The following BNC2 variants were observed in gnomAD, a reference collection of about 807,000 sequenced individuals.
The protein encoded by BNC2 is basonuclin zinc finger protein 2, also known as zinc finger protein basonuclin-2.
In BNC2, 20 loss-of-function variants were observed where a neutral mutation model predicts 76.3. That is an observed-to-expected ratio of 0.26 (90% CI 0.18 to 0.38). BNC2 has a LOEUF of 0.38. Among genes scored for constraint, BNC2 ranks in the 10% least tolerant of loss-of-function variants. BNC2 has a pLI of 1.00. For missense variants in BNC2, 1,382 were observed against 1,399.8 expected (o/e 0.99, Z 0.20); for synonymous variants, 582 against 514.8 (o/e 1.13, Z -1.77).
chr9:16,501,167 A>C (rs978007662), intron 5 of BNC2, among the ~76,000 whole-genome samples: 18 of 152,348 alleles, frequency 1.2e-4, no homozygotes, highest in Admixed American at 6.5e-4. Flanking sequence ...AACGCACTTA[A>C]AATTATATAT....
At chr9:16,624,728 G>C (rs1220730571) in intron 3 of BNC2, among the ~76,000 whole-genome samples, 1 of 152,114 alleles carries the variant, frequency 6.6e-6, no homozygotes, top group Non-Finnish European at 1.5e-5. Context: ...GATCCAAATG[G>C]AAGTCATGTT....
chr9:16,787,475 G>C (rs1294243029), intron 1 of BNC2, among the ~76,000 whole-genome samples: 1 of 152,196 alleles, frequency 6.6e-6, no homozygotes, highest in African/African-American at 2.4e-5. Context: ...CTGTCACTGG[G>C]CAAGTTACTT....
At chr9:16,755,347 C>T (rs1033895467) in intron 1 of BNC2, among the ~76,000 whole-genome samples, 14 of 151,918 alleles carry the variant, frequency 9.2e-5, no homozygotes, top group African/African-American at 1.7e-4. Flanking sequence ...GGGGGGACAC[C>T]ACCTCAGAAC....
chr9:16,467,804 C>G (rs1459201220), intron 5 of BNC2, among the ~76,000 whole-genome samples: 1 of 138,782 alleles, frequency 7.2e-6, no homozygotes, highest in Non-Finnish European at 1.5e-5. Flanking sequence ...GCACAATGTG[C>G]ACATGTACCC....
chr9:16,819,635 T>A (rs1253793200), intron 1 of BNC2, among the ~76,000 whole-genome samples: 1 of 151,088 alleles, frequency 6.6e-6, no homozygotes, highest in Non-Finnish European at 1.5e-5. Flanking sequence ...CCAGACTGGG[T>A]GACAGAGCAA....
chr9:16,492,721 A>AT (rs59536317), intron 5 of BNC2, among the ~76,000 whole-genome samples: 5,126 of 140,066 alleles, frequency 0.037, 225 homozygotes, highest in African/African-American at 0.11. Flanking sequence ...AGGCCTGCCC[A>AT]TTTTTTTTTT....
chr9:16,562,916 A>G (rs913299889), intron 4 of BNC2, among the ~76,000 whole-genome samples: 3 of 152,210 alleles, frequency 2.0e-5, no homozygotes, highest in African/African-American at 7.2e-5. Flanking sequence ...TTATAAGCTG[A>G]ATAAATAAAT....
intron 1 of BNC2, among the ~76,000 whole-genome samples, chr9:16,821,477 G>C (rs996461001): frequency 1.3e-5 from 2 of 152,012 alleles, no homozygotes; most frequent in Admixed American, 1.3e-4. Flanking sequence ...GAAGCTATTG[G>C]CTTCTTGAAT....
Position 16,667,080 on chromosome 9 carries a change from T to TACACACAC in BNC2, c.330+60709_330+60716dup, listed in dbSNP as rs139744564. 1.5e-4 allele frequency among the ~76,000 whole-genome samples: 22 copies of TACACACAC among 142,490 alleles called. No homozygotes were observed. In the East Asian group the frequency reaches 2.9e-3, roughly 19 times the overall value. The allele number at this position is 142,490 out of a possible 152,430, so 93.5% of individuals were successfully genotyped here. A position where few individuals can be genotyped will look rare whatever the true frequency, so the allele number is the denominator to read the frequency against. On this transcript the variant is annotated intron_variant, in intron 3 of 6. Transcript: ENST00000380672. ...AAAGCACACATCACTCAGATACACA[T>TACACACAC]ACACACACACACACACACACACACA...
rs564294084 is a variant in BNC2 at position 16,761,867 on chromosome 9, T to A, written c.4-23382A>T. 4.6e-5 allele frequency among the ~76,000 whole-genome samples: 7 copies of A among 152,244 alleles called. No individual in the cohort carries two copies. The South Asian group carries it at 1.5e-3, about 32-fold the overall frequency. On this transcript the variant is annotated intron_variant, in intron 1 of 6. Transcript: ENST00000380672. ...AATTAGTGCTCTGTAGCTGATGAAA[T>A]TGAAAATGCTACCAAGTTACATGTA...
intron 5 of BNC2, among the ~76,000 whole-genome samples, chr9:16,515,779 T>C (rs1822863653): frequency 6.7e-6 from 1 of 149,080 alleles, no homozygotes; most frequent in African/African-American, 2.5e-5. Context: ...CATTCTCAAA[T>C]CATAACCATA....
At chr9:16,593,108 A>T (rs1048549757) in intron 3 of BNC2, among the ~76,000 whole-genome samples, 1 of 152,076 alleles carries the variant, frequency 6.6e-6, no homozygotes, top group African/African-American at 2.4e-5. Context: ...AAAATTGACA[A>T]TGCTGAATTC....
chr9:16,763,749 C>CT (rs1160568875), intron 1 of BNC2, among the ~76,000 whole-genome samples: 1 of 152,136 alleles, frequency 6.6e-6, no homozygotes, highest in East Asian at 1.9e-4. Context: ...ATGATAAAAT[C>CT]TAACCTTCCT....
intron 3 of BNC2, among the ~76,000 whole-genome samples, chr9:16,598,547 A>G (rs1820156532): frequency 6.6e-6 from 1 of 152,220 alleles, no homozygotes; most frequent in Non-Finnish European, 1.5e-5. Flanking sequence ...TGGCAGAATG[A>G]ACTCACCACT....
chr9:16,569,923 T>A (rs569446696), intron 4 of BNC2, among the ~76,000 whole-genome samples: 2 of 152,212 alleles, frequency 1.3e-5, no homozygotes, highest in Non-Finnish European at 2.9e-5. Context: ...ATCCAGTTTA[T>A]GTACCAATGG....
chr9:16,853,070 G>A (rs1044604817), intron 1 of BNC2, among the ~76,000 whole-genome samples: 1 of 152,206 alleles, frequency 6.6e-6, no homozygotes, highest in African/African-American at 2.4e-5. Context: ...AGTCTTCTAG[G>A]AGTAGTGGGA....
chr9:16,834,890 T>C (rs923274147), intron 1 of BNC2, among the ~76,000 whole-genome samples: 1 of 152,186 alleles, frequency 6.6e-6, no homozygotes, highest in Non-Finnish European at 1.5e-5. Flanking sequence ...TTAATAATTC[T>C]ACAAAGGGTA....
chr9:16,517,782 G>C (rs1016294850), intron 5 of BNC2, among the ~76,000 whole-genome samples: 7 of 152,084 alleles, frequency 4.6e-5, no homozygotes, highest in African/African-American at 1.7e-4. Context: ...GTAAATTGTA[G>C]GTTCCATGTA....
intron 1 of BNC2, among the ~76,000 whole-genome samples, chr9:16,779,380 G>C (rs1402418481): frequency 1.9e-4 from 28 of 151,160 alleles, no homozygotes; most frequent in Non-Finnish European, 2.9e-5. Flanking sequence ...AAGTATCCAA[G>C]AGGTAAAACT....
Sources: allele counts gnomAD v4.1 joint callset (sites outside exome capture counted in the v4.1 genomes callset), GRCh38; gene constraint gnomAD v4.1.1; transcripts MANE v1.5; gene names NCBI Gene and HGNC (gene_info 2026-07-23, HGNC 2026-07-21).